Variants in GRIK3 observed in about 807,000 individuals in gnomAD.
GRIK3 encodes the protein glutamate receptor ionotropic, kainate 3.
GRIK3 carries 29 observed loss-of-function variants against 102.5 expected under a neutral mutation model. The observed-to-expected ratio is 0.28, with a 90% confidence interval of 0.21 to 0.39. The LOEUF (loss-of-function observed/expected upper bound fraction) is 0.39. GRIK3 is among the 10% of genes least tolerant of loss of function. The pLI is 1.00. For synonymous variants in GRIK3, 511 were observed against 504.9 expected (o/e 1.01, Z -0.16); for missense variants, 908 against 1,252.4 (o/e 0.73, Z 4.15).
At chr1:36,879,184 T>C (rs1640939758) in intron 3 of GRIK3, among the ~76,000 whole-genome samples, 1 of 152,082 alleles carries the variant, frequency 6.6e-6, no homozygotes. Flanking sequence ...TACAATGTAG[T>C]GCTTGCCAAG....
chr1:37,002,689 G>C (rs1186119509), intron 1 of GRIK3, among the ~76,000 whole-genome samples: 11 of 61,964 alleles, frequency 1.8e-4, no homozygotes, highest in African/African-American at 6.7e-4. Flanking sequence ...TTTTTTTTTT[G>C]AGATTTTGAG....
intron 2 of GRIK3, among the ~76,000 whole-genome samples, chr1:36,885,088 ATGATAATGG>A (rs1641023325): frequency 6.6e-6 from 1 of 152,258 alleles, no homozygotes; most frequent in Admixed American, 6.5e-5. Flanking sequence ...GCTGCCAATG[ATGATAATGG>A]TGACGGCATT....
chr1:36,966,413 G>A (rs868497161), intron 1 of GRIK3, among the ~76,000 whole-genome samples: 1 of 152,204 alleles, frequency 6.6e-6, no homozygotes, highest in African/African-American at 2.4e-5. Context: ...GACTGGGTGG[G>A]TCTGGATCAG....
chr1:36,856,974 C>T (rs1640659778), intron 7 of GRIK3, among the ~76,000 whole-genome samples: 1 of 152,178 alleles, frequency 6.6e-6, no homozygotes. Flanking sequence ...ACCTGTTCAG[C>T]ACCTGCTACG....
Position 36,819,823 on chromosome 1 carries a change from G to A in GRIK3, c.1786C>T (p.Pro596Ser). 1.3e-6 allele frequency: 2 copies of A among 1,592,836 alleles called. No homozygotes were observed. Among genetic ancestry groups the A allele is most frequent in the Non-Finnish European group, 1.7e-6 (2 of 1,166,296 alleles). Residue 596 changes from proline (P) to serine (S), a missense_variant, in exon 12 of 16, where the codon CCC becomes TCC. By Grantham distance (74) the Pro-to-Ser change is moderately conservative. Around this residue, in one of 3 missense-constraint regions of GRIK3, gnomAD observed 585 missense variants for 824.9 expected, o/e 0.71. Transcript: ENST00000373091. This position sits in a 1 kb window ranked among gnomAD's most constrained non-coding sequence, Gnocchi z 4.1. ...FSPYEWYDAH[P>S]CNPGSEVVEN... Reference sequence around the variant, plus strand: ...ACCACCTCGGAGCCAGGGTTGCAGGGGTGAGCATCGTACCACTCATAAGGG... The same window carrying A: ...ACCACCTCGGAGCCAGGGTTGCAGGAGTGAGCATCGTACCACTCATAAGGG...
rs781547971 is a variant in GRIK3, at chr1:36,880,860, C to G, written c.324G>C (p.Ala108=). The G allele has an allele frequency of 6.2e-7, 1 of 1,611,986 alleles. No homozygotes were observed. The highest frequency in any genetic ancestry group is 8.5e-7 in the Non-Finnish European group (1 of 1,178,920). The part of the protein sequence containing the change: ...ACDQLALGVV[A]IFGPSQGSCT... ...AGGAGCCCTGTGATGGGCCGAAGAT[C>G]GCCACCACGCCCAGTGCCAGCTGGT... The change falls in exon 3 of 16, where the codon GCG becomes GCC. Residue 108 remains alanine, a synonymous_variant. Transcript: ENST00000373091. The surrounding 1 kb of genome is among the most constrained non-coding windows in gnomAD (Gnocchi z 5.4).
At chr1:36,934,471 A>T (rs1023108755) in intron 1 of GRIK3, among the ~76,000 whole-genome samples, 5 of 152,174 alleles carry the variant, frequency 3.3e-5, no homozygotes, top group Non-Finnish European at 7.4e-5. Context: ...GGGGTCCACA[A>T]GGCTGTCCCC....
chr1:36,975,114 G>A (rs995360317), intron 1 of GRIK3, among the ~76,000 whole-genome samples: 8 of 151,918 alleles, frequency 5.3e-5, no homozygotes, highest in African/African-American at 1.2e-4. Flanking sequence ...TTAATGTTAC[G>A]GAATCAGATA....
intron 1 of GRIK3, among the ~76,000 whole-genome samples, chr1:36,960,531 T>A (rs1457599086): frequency 6.6e-6 from 1 of 152,164 alleles, no homozygotes; most frequent in Non-Finnish European, 1.5e-5. Flanking sequence ...GTGAGGCATG[T>A]GAAGGGACCT....
At chr1:36,953,756 G>A (rs967598862) in intron 1 of GRIK3, among the ~76,000 whole-genome samples, 6 of 152,034 alleles carry the variant, frequency 3.9e-5, no homozygotes, top group Admixed American at 1.3e-4. Context: ...TGTCCAAGCA[G>A]AGATGCAGGG....
At chr1:36,802,231 C>T (rs1362686153) in intron 15 of GRIK3, among the ~76,000 whole-genome samples, 186 bp from the exon 16 acceptor site, 4 of 152,232 alleles carry the variant, frequency 2.6e-5, no homozygotes, top group African/African-American at 9.6e-5. Flanking sequence ...GTCTACAAAA[C>T]CTGACATTCT....
chr1:36,862,284 C>G (rs890476407), intron 5 of GRIK3, among the ~76,000 whole-genome samples: 2 of 152,122 alleles, frequency 1.3e-5, no homozygotes, highest in African/African-American at 4.8e-5. Context: ...CATTACAAAT[C>G]AGGATTTCTG....
At chr1:36,954,746 C>T (rs997763958) in intron 1 of GRIK3, among the ~76,000 whole-genome samples, 17 of 152,208 alleles carry the variant, frequency 1.1e-4, no homozygotes, top group Non-Finnish European at 2.2e-4. Flanking sequence ...CACCTGTGCA[C>T]GCACAAGGAC....
chr1:36,832,381 C>T (rs1640313835), intron 10 of GRIK3, among the ~76,000 whole-genome samples: 1 of 152,184 alleles, frequency 6.6e-6, no homozygotes, highest in Non-Finnish European at 1.5e-5. Flanking sequence ...TGGCCGTTTA[C>T]AAGAGGATAA....
intron 6 of GRIK3, among the ~76,000 whole-genome samples, chr1:36,859,486 G>GGGGGC: frequency 6.9e-6 from 1 of 145,940 alleles, no homozygotes. Context: ...ACCTTCTCCT[G>GGGGGC]CCCACCCACC....
intron 1 of GRIK3, among the ~76,000 whole-genome samples, chr1:36,892,520 A>AAC (rs1641129445): frequency 6.6e-6 from 1 of 151,734 alleles, no homozygotes; most frequent in Non-Finnish European, 1.5e-5. Flanking sequence ...CAGCACAAAA[A>AAC]AAAAAAACAC....
intron 1 of GRIK3, among the ~76,000 whole-genome samples, chr1:36,894,558 T>A (rs1016947193): frequency 4.6e-5 from 7 of 152,184 alleles, no homozygotes; most frequent in Admixed American, 3.9e-4. Context: ...TCTTCTTAGA[T>A]CTGTAAGAGA....
At chr1:36,923,606 C>A (rs949092284) in intron 1 of GRIK3, among the ~76,000 whole-genome samples, 3 of 152,162 alleles carry the variant, frequency 2.0e-5, no homozygotes, top group African/African-American at 7.2e-5. Flanking sequence ...AAGCTGACTT[C>A]CTGGCAGGGC....
chr1:36,991,620 C>T (rs777386039), intron 1 of GRIK3, among the ~76,000 whole-genome samples: 2 of 152,194 alleles, frequency 1.3e-5, no homozygotes, highest in Non-Finnish European at 2.9e-5. Context: ...GACTGGAACG[C>T]CAACTCATGT....
Sources: allele counts gnomAD v4.1 joint callset (sites outside exome capture counted in the v4.1 genomes callset), GRCh38; gene constraint gnomAD v4.1.1; regional missense constraint gnomAD v4.1.1; non-coding constraint Gnocchi (gnomAD v3.1); transcripts MANE v1.5; gene names NCBI Gene and HGNC (gene_info 2026-07-23, HGNC 2026-07-21).